DLGAP2: variants seen among roughly 807,000 people sequenced by gnomAD.
The protein encoded by DLGAP2 is disks large-associated protein 2.
Under a neutral mutation model 100.3 loss-of-function variants are expected in DLGAP2, and 26 were observed. The ratio of observed to expected loss-of-function variants is 0.26; its 90% CI spans 0.19 to 0.36. DLGAP2 has a LOEUF of 0.36. Ranked by LOEUF, DLGAP2 falls within the 10% of genes least tolerant of loss-of-function variation. The probability of loss-of-function intolerance (pLI) is 1.00; values close to 1 mark genes in which losing one functional copy is unlikely to be tolerated. For missense variants in DLGAP2, 1,858 were observed against 1,453.2 expected, an observed-to-expected ratio of 1.28 and a Z score of -4.53; for synonymous variants, 886 against 630.1, an observed-to-expected ratio of 1.41 and a Z score of -6.08.
Position 1,670,402 on chromosome 8 carries a change from G to A in DLGAP2, c.2202+618G>A, listed in dbSNP as rs892936388. On this transcript the variant is annotated intron_variant, in intron 10 of 14. Coordinates refer to ENST00000637795, the MANE Select transcript of DLGAP2 (RefSeq NM_001346810.2). ...GGCATGGCAGCCTCTGCTGAGTACA[G>A]GCTTCTCCTCATCCCCCCAGCTTCC... Among the ~76,000 whole-genome samples the A allele has an allele frequency of 5.3e-5, 8 of 152,166 alleles. No homozygotes were observed. The East Asian group carries it at 1.5e-3, about 29-fold the overall frequency.
intron 2 of DLGAP2, among the ~76,000 whole-genome samples, chr8:946,439 AGTTTTTGTAGAGACGGG>A (rs1462009629): frequency 1.3e-5 from 2 of 151,526 alleles, no homozygotes; most frequent in Non-Finnish European, 2.9e-5. Flanking sequence ...AATTTTTTGT[AGTTTTTGTAGAGACGGG>A]GTTTCACCAT....
At chr8:1,208,514 C>T (rs1798041648) in intron 2 of DLGAP2, among the ~76,000 whole-genome samples, 2 of 152,088 alleles carry the variant, frequency 1.3e-5, no homozygotes, top group Admixed American at 1.3e-4. Context: ...CACTAACAGC[C>T]AACATTATAC....
chr8:1,655,185 T>C (rs1045197905), intron 8 of DLGAP2, among the ~76,000 whole-genome samples: 9 of 152,242 alleles, frequency 5.9e-5, no homozygotes, highest in Admixed American at 4.6e-4. Context: ...CCATTGTGTG[T>C]ATGCTTGTGG....
At chr8:1,059,244 C>T (rs975878835) in intron 2 of DLGAP2, among the ~76,000 whole-genome samples, 1 of 152,104 alleles carries the variant, frequency 6.6e-6, no homozygotes, top group African/African-American at 2.4e-5. Context: ...CATCCCCTGC[C>T]CACTCACCCC....
At chr8:1,175,439 A>G (rs1268642369) in intron 2 of DLGAP2, among the ~76,000 whole-genome samples, 1 of 152,226 alleles carries the variant, frequency 6.6e-6, no homozygotes, top group Non-Finnish European at 1.5e-5. Context: ...CTTCATTTAT[A>G]AAAAGGAAAC....
intron 3 of DLGAP2, among the ~76,000 whole-genome samples, chr8:1,488,205 C>T (rs1452319154): frequency 6.6e-6 from 1 of 152,132 alleles, no homozygotes; most frequent in Non-Finnish European, 1.5e-5. Flanking sequence ...TCCACACAGT[C>T]CTCCACCCCC....
At chr8:1,557,397 G>A (rs150777270) in intron 5 of DLGAP2, among the ~76,000 whole-genome samples, 5 of 152,242 alleles carry the variant, frequency 3.3e-5, no homozygotes, top group South Asian at 2.1e-4. Context: ...CGATGGCCAC[G>A]GGTGTCCTCT....
rs905585801 is a variant in DLGAP2, at chr8:1,618,886, C to T, written c.1443-7854C>T. Among the ~76,000 whole-genome samples the T allele has an allele frequency of 5.9e-5, 9 of 152,204 alleles. No individual in the cohort carries two copies. In the South Asian group the frequency reaches 6.2e-4, roughly 11 times the overall value. On this transcript the variant is annotated intron_variant, in intron 6 of 14. Transcript: ENST00000637795. ...CCTGTCCAGTAGACACGAGTAGCAC[C>T]CTCCTCTAAATTGTGGCAAACTCAA...
chr8:1,049,712 C>G (rs1273160912), intron 2 of DLGAP2, among the ~76,000 whole-genome samples: 1 of 151,850 alleles, frequency 6.6e-6, no homozygotes, highest in Admixed American at 6.6e-5. Context: ...CAGACACAGG[C>G]ACATATGAAT....
At chr8:1,676,857 A>T (rs1215690952) in intron 11 of DLGAP2, among the ~76,000 whole-genome samples, 3 of 152,276 alleles carry the variant, frequency 2.0e-5, no homozygotes, top group Non-Finnish European at 2.9e-5. Context: ...CTCTGAAAGC[A>T]GAGCAGCTGA....
At chr8:893,094 A>G (rs1010204220) in intron 1 of DLGAP2, 31 of 152,240 alleles carry the variant, frequency 2.0e-4, no homozygotes, top group Admixed American at 1.9e-3. Context: ...GATGACCTGA[A>G]GTGAGACACC....
intron 6 of DLGAP2, among the ~76,000 whole-genome samples, chr8:1,571,358 T>C (rs1409790788): frequency 8.4e-6 from 1 of 118,946 alleles, no homozygotes; most frequent in Non-Finnish European, 1.7e-5. Context: ...GGGCATCTGA[T>C]GAGATGGAGA....
At position 817,622 on chromosome 8, in the gene DLGAP2, C is replaced by T. The variant is rs1042985966; in HGVS notation, c.18+79797C>T. 1.4e-4 allele frequency among the ~76,000 whole-genome samples: 22 copies of T among 152,310 alleles called. 1 individual carries two copies. Among genetic ancestry groups the T allele is most frequent in the African/African-American group, 4.8e-4 (20 of 41,560 alleles). ...TCAGAGGGAAGATCTGGGATTCAAG[C>T]GCTGCTGTTCAGACTCTTTTCTCCC... On this transcript the variant is annotated intron_variant, in intron 1 of 14. Transcript: ENST00000637795.
intron 8 of DLGAP2, among the ~76,000 whole-genome samples, chr8:1,639,891 C>A (rs766671476): frequency 1.3e-5 from 2 of 152,180 alleles, no homozygotes; most frequent in African/African-American, 2.4e-5. Flanking sequence ...CTGGGGATAA[C>A]ACTGGGCCCA....
chr8:874,425 A>G (rs1766404076), intron 1 of DLGAP2, among the ~76,000 whole-genome samples: 1 of 152,002 alleles, frequency 6.6e-6, no homozygotes, highest in Non-Finnish European at 1.5e-5. Context: ...ACCTCAAAGT[A>G]TTTTCTAATT....
intron 12 of DLGAP2, among the ~76,000 whole-genome samples, chr8:1,679,403 C>T (rs955743821): frequency 4.7e-5 from 6 of 129,010 alleles, no homozygotes; most frequent in African/African-American, 1.2e-4. Flanking sequence ...AAAGGTCTCA[C>T]TCCTGGGTGG....
chr8:1,389,744 G>A (rs1231055507), intron 3 of DLGAP2, among the ~76,000 whole-genome samples: 1 of 152,082 alleles, frequency 6.6e-6, no homozygotes, highest in African/African-American at 2.4e-5. Flanking sequence ...CTCTTAGGTG[G>A]CCGTGGAGCA....
intron 6 of DLGAP2, among the ~76,000 whole-genome samples, chr8:1,591,269 G>T (rs913777693): frequency 8.0e-5 from 12 of 150,188 alleles, no homozygotes; most frequent in African/African-American, 2.4e-4. Flanking sequence ...GGAGGTTAGA[G>T]CATGGGGGTC....
chr8:923,215 C>T (rs1798749690), intron 2 of DLGAP2, among the ~76,000 whole-genome samples: 1 of 151,954 alleles, frequency 6.6e-6, no homozygotes, highest in African/African-American at 2.4e-5. Flanking sequence ...GGCTTTCTCT[C>T]CTGTGTTAGG....
Sources: gnomAD v4.1 joint callset for allele counts (sites outside exome capture counted in the v4.1 genomes callset) on GRCh38, gnomAD v4.1.1 for gene constraint, MANE v1.5 for transcripts, NCBI Gene and HGNC (gene_info 2026-07-23, HGNC 2026-07-21) for gene names.